Variants in CHRNA4 observed in about 807,000 individuals in gnomAD.
CHRNA4 encodes the protein cholinergic receptor nicotinic alpha 4 subunit.
A neutral mutation model predicts 48.9 loss-of-function variants in CHRNA4; 28 were observed. That is an observed-to-expected ratio of 0.57 (90% CI 0.42 to 0.79). CHRNA4 has a LOEUF of 0.79. Ranked by LOEUF, CHRNA4 falls within the 30% of genes least tolerant of loss-of-function variation. The pLI is 0.00. For missense variants in CHRNA4, 859 were observed against 898.4 expected (o/e 0.96, Z 0.56); for synonymous variants, 425 against 402.3 (o/e 1.06, Z -0.68).
chr20:63,355,687 A>T, intron 4 of CHRNA4: 3 of 965,106 alleles, frequency 3.1e-6, no homozygotes, highest in Non-Finnish European at 4.5e-6. Context: ...TCCAGGTGCC[A>T]TAGCCACTCT....
intron 5 of CHRNA4, among the ~76,000 whole-genome samples, chr20:63,347,570 G>A (rs558978086): frequency 6.6e-6 from 1 of 152,352 alleles, no homozygotes; most frequent in African/African-American, 2.4e-5. Flanking sequence ...GGAGGGCAGA[G>A]GCAGTGGCCT....
At chr20:63,356,170 C>A in intron 3 of CHRNA4, 86 bp from the exon 4 acceptor site, 2 of 661,968 alleles carry the variant, frequency 3.0e-6, no homozygotes, top group East Asian at 7.8e-5. Context: ...GGGGCAGGGG[C>A]AGGGCCAGGG....
Position 63,351,257 on chromosome 20 carries a change from CGT to C in CHRNA4, c.384-232_384-231del, listed in dbSNP as rs1184315739. ...ACACCCACGTCCACGTCCACGTCCA[CGT>C]CCACACACAGAGGCATTCTCACGTC... On this transcript the variant is annotated intron_variant, in intron 4 of 5. Coordinates refer to ENST00000370263, the MANE Select transcript of CHRNA4 (RefSeq NM_000744.7). 57 of 392,000 alleles carry C rather than the reference CGT, an allele frequency of 1.5e-4. 6 individuals are homozygous for C. In the African/African-American group the frequency reaches 1.6e-3, roughly 11 times the overall value. 24.3% of individuals were successfully genotyped at this position (392,000 alleles called of 1,614,324 possible).
At position 63,346,283 on chromosome 20, in the gene CHRNA4, C is replaced by T. The variant is rs45553634; in HGVS notation, c.*455G>A. On this transcript the variant is annotated 3_prime_UTR_variant, in exon 6 of 6. Transcript: ENST00000370263. ...TTGAAGCCCACACAGGCGCAGGACA[C>T]GGTGGGTGGGAGAGGCGGCCGGGCC... The T allele has an allele frequency of 1.3e-4, 59 of 453,436 alleles. No homozygotes were observed. In the East Asian group the frequency reaches 3.7e-3, roughly 28 times the overall value. The allele number at this position is 453,436 out of a possible 1,614,324, so 28.1% of individuals were successfully genotyped here.
Position 63,350,592 on chromosome 20 carries a change from C to T in CHRNA4, c.819G>A (p.Glu273=), listed in dbSNP as rs112368488. Residue 273 remains glutamate (E), a synonymous_variant, in exon 5 of 6, where the codon GAG becomes GAA. Transcript: ENST00000370263. ...GCACGGAGATGCACAGCGTGATCTT[C>T]TCGCCACACTCGGAGGGCAGGTAGA... ...LVFYLPSECG[E]KITLCISVLL... is the part of the protein sequence containing the mutation. The T allele has an allele frequency of 1.2e-6, 2 of 1,613,970 alleles. No individual in the cohort carries two copies. The highest frequency in any genetic ancestry group is 1.1e-5 in the South Asian group (1 of 91,068).
At chr20:63,359,056 C>A (rs1427838632) in intron 2 of CHRNA4, among the ~76,000 whole-genome samples, 1 of 142,156 alleles carries the variant, frequency 7.0e-6, no homozygotes, top group East Asian at 2.1e-4. Flanking sequence ...AACATATCTT[C>A]AGACAAACAG....
intron 4 of CHRNA4, 125 bp downstream of exon 4, chr20:63,355,850 G>T: frequency 7.6e-7 from 1 of 1,319,994 alleles, no homozygotes; most frequent in Non-Finnish European, 1.1e-6. Context: ...CATGCATGGG[G>T]CTGGCATAGG....
intron 3 of CHRNA4, 84 bp downstream of exon 3, chr20:63,356,287 G>A: frequency 1.5e-6 from 2 of 1,293,694 alleles, no homozygotes; most frequent in African/African-American, 1.6e-5. Context: ...GCAGGGCCAG[G>A]GTGGGGCAGG....
In CHRNA4 at chr20:63,359,569, G is replaced by A. The variant is rs2068771661; in HGVS notation, c.207C>T (p.Ser69=). ...CTACCACGTCAATGAGCTGAGCGAT[G>A]GACAGGCCGAAGCGGACGAGGACCA... is the stretch of plus-strand genomic sequence containing the variant. ...SDVVLVRFGL[S]IAQLIDVDEK... Residue 69 remains serine, a synonymous_variant, in exon 2 of 6, where the codon TCC becomes TCT. Transcript: ENST00000370263. 5 of 1,612,604 alleles carry A rather than the reference G, an allele frequency of 3.1e-6. No individual in the cohort carries two copies. Among genetic ancestry groups the A allele is most frequent in the South Asian group, 1.1e-5 (1 of 91,080 alleles).
At chr20:63,356,517 C>A in intron 2 of CHRNA4, 102 bp from the exon 3 acceptor site, 2 of 1,279,108 alleles carry the variant, frequency 1.6e-6, no homozygotes, top group Non-Finnish European at 2.2e-6. Context: ...ACGGCCAGGG[C>A]AAGATATGGT....
chr20:63,344,639 G>C lies in CHRNA4; in HGVS notation c.*2099C>G. On this transcript the variant is annotated 3_prime_UTR_variant, in exon 6 of 6. Coordinates refer to ENST00000370263, the MANE Select transcript of CHRNA4 (RefSeq NM_000744.7). The surrounding 1 kb of genome is among the most constrained non-coding windows in gnomAD (Gnocchi z 4.5). The stretch of plus-strand genomic sequence containing the variant: ...ACCACAGCTGGGCCCAGCACCCCGG[G>C]CCACTCCCTGCAGCTGCCCACACAT... 1 of 454,008 alleles carries C rather than the reference G, an allele frequency of 2.2e-6. No individual in the cohort carries two copies. Among genetic ancestry groups the C allele is most frequent in the Non-Finnish European group, 4.4e-6 (1 of 226,742 alleles). 28.1% of individuals were successfully genotyped at this position (454,008 alleles called of 1,614,324 possible).
At position 63,345,748 on chromosome 20, in the gene CHRNA4, CCTT is replaced by C. The variant is rs1199718432; in HGVS notation, c.*987_*989del. The C allele has an allele frequency of 1.8e-5, 8 of 447,192 alleles. No homozygotes were observed. Among genetic ancestry groups the C allele is most frequent in the Admixed American group, 1.7e-4 (7 of 42,408 alleles). The allele number at this position is 447,192 out of a possible 1,614,324, so 27.7% of individuals were successfully genotyped here. On this transcript the variant is annotated 3_prime_UTR_variant, in exon 6 of 6. Transcript: ENST00000370263. The surrounding 1 kb of genome is among the most constrained non-coding windows in gnomAD (Gnocchi z 5.4). ...CCCCACAGCTACTGTAGCAGGAAGT[CCTT>C]CTTCCCGAACCCAGAGCCCAGGGCG...
In CHRNA4 at chr20:63,345,275, T is replaced by A. The variant is rs1462418116; in HGVS notation, c.*1463A>T. 2.2e-6 allele frequency: 1 copy of A among 452,868 alleles called. No homozygotes were observed. The highest frequency in any genetic ancestry group is 2.4e-5 in the Admixed American group (1 of 42,500). 28.1% of individuals were successfully genotyped at this position (452,868 alleles called of 1,614,324 possible). ...CATCCCCACCCCTGGCTGGATGGGG[T>A]CTGGGGGCAGCAGAATGTGGACCAC... On this transcript the variant is annotated 3_prime_UTR_variant, in exon 6 of 6. Coordinates refer to ENST00000370263, the MANE Select transcript of CHRNA4 (RefSeq NM_000744.7). The surrounding 1 kb of genome is among the most constrained non-coding windows in gnomAD (Gnocchi z 5.4).
rs559194411 is a variant in CHRNA4, at chr20:63,344,044, C to G, written c.*2694G>C. 1 of 454,140 alleles carries G rather than the reference C, an allele frequency of 2.2e-6. No homozygotes were observed. The highest frequency in any genetic ancestry group is 4.4e-6 in the Non-Finnish European group (1 of 226,796). The allele number at this position is 454,140 out of a possible 1,614,324, so 28.1% of individuals were successfully genotyped here. On this transcript the variant is annotated 3_prime_UTR_variant, in exon 6 of 6. Transcript: ENST00000370263. This position sits in a 1 kb window ranked among gnomAD's most constrained non-coding sequence, Gnocchi z 4.5. ...CACCTCCATTCCTAATCACCGACAGCTGCAAGCAAAGTCCACTAACAGGTG... is the reference window on the plus strand; with the variant it reads ...CACCTCCATTCCTAATCACCGACAGGTGCAAGCAAAGTCCACTAACAGGTG...
At chr20:63,357,811 G>GCTGGGCCA (rs1344709126) in intron 2 of CHRNA4, among the ~76,000 whole-genome samples, 1 of 152,226 alleles carries the variant, frequency 6.6e-6, no homozygotes, top group Non-Finnish European at 1.5e-5. Context: ...ACCCACGTGT[G>GCTGGGCCA]CATGTTCGTG....
chr20:63,355,853 G>T, intron 4 of CHRNA4, 122 bp downstream of exon 4: 1 of 1,345,688 alleles, frequency 7.4e-7, no homozygotes, highest in Non-Finnish European at 1.0e-6. Flanking sequence ...GCATGGGGCT[G>T]GCATAGGCCC....
Position 63,361,279 on chromosome 20 carries a change from C to G in CHRNA4, c.-114G>C. The G allele has an allele frequency of 7.3e-7, 1 of 1,369,108 alleles. No homozygotes were observed. The highest frequency in any genetic ancestry group is 9.4e-7 in the Non-Finnish European group (1 of 1,062,682). 84.8% of individuals were successfully genotyped at this position (1,369,108 alleles called of 1,614,324 possible). ...GCGCCTCGCGGGCCGCTTCGGCCGCCGGGCCCGGTTCGTCTTCTCCTGTGG... is the reference window on the plus strand; with the variant it reads ...GCGCCTCGCGGGCCGCTTCGGCCGCGGGGCCCGGTTCGTCTTCTCCTGTGG... On this transcript the variant is annotated 5_prime_UTR_variant, in exon 1 of 6. Transcript: ENST00000370263.
intron 4 of CHRNA4, among the ~76,000 whole-genome samples, chr20:63,353,198 A>C (rs999526481): frequency 6.6e-6 from 1 of 152,060 alleles, no homozygotes; most frequent in Non-Finnish European, 1.5e-5. Context: ...GAGGCCTCCC[A>C]CCCTGCAGCC....
rs1555838276 is a variant in CHRNA4 at position 63,351,204 on chromosome 20, A to ACCCACGTCCACGTCCACG, written c.384-195_384-178dup. ...ATCCATGTCCCACGCCCACATCCAC[A>ACCCACGTCCACGTCCACG]CCCACGTCCACGTCCACGCCCACAT... On this transcript the variant is annotated intron_variant, in intron 4 of 5. Coordinates refer to ENST00000370263, the MANE Select transcript of CHRNA4 (RefSeq NM_000744.7). The ACCCACGTCCACGTCCACG allele has an allele frequency of 4.2e-5, 22 of 521,960 alleles. 1 individual carries two copies. The African/African-American group carries it at 5.1e-4, about 12-fold the overall frequency. The allele number at this position is 521,960 out of a possible 1,614,324, so 32.3% of individuals were successfully genotyped here. A position where few individuals can be genotyped will look rare whatever the true frequency, so the allele number is the denominator to read the frequency against.
Sources: allele counts gnomAD v4.1 joint callset (sites outside exome capture counted in the v4.1 genomes callset), GRCh38; gene constraint gnomAD v4.1.1; non-coding constraint Gnocchi (gnomAD v3.1); transcripts MANE v1.5; gene names NCBI Gene and HGNC (gene_info 2026-07-23, HGNC 2026-07-21).